Variants in ADAMTS12 observed in about 807,000 individuals in gnomAD.
ADAMTS12 encodes A disintegrin and metalloproteinase with thrombospondin motifs 12.
ADAMTS12 carries 118 observed loss-of-function variants against 167.8 expected under a neutral mutation model. The ratio of observed to expected loss-of-function variants is 0.70; its 90% confidence interval spans 0.61 to 0.82. The LOEUF is 0.82. Among genes scored for constraint, ADAMTS12 ranks in the 40% least tolerant of loss-of-function variants. The pLI is 0.00. For missense variants in ADAMTS12, 1,916 were observed against 1,998.8 expected (o/e 0.96, Z 0.79); for synonymous variants, 704 against 716.9 (o/e 0.98, Z 0.29).
intron 9 of ADAMTS12, 21 bp from the exon 10 acceptor site, chr5:33,643,491 C>A: frequency 6.2e-7 from 1 of 1,610,990 alleles, no homozygotes; most frequent in Non-Finnish European, 8.5e-7. Flanking sequence ...AATTGCACTT[C>A]TTTTGTATTT....
chr5:33,576,277 G>C lies in ADAMTS12; in HGVS notation c.3749C>G (p.Pro1250Arg). ...TTCTGGCTGGTGGTCTCCTCCCAGA[G>C]GGAGCAGAGTGTTGGCTGGCTTTTC... ...VTEKPANTLL[P>R]LGGDHQPEPS... The change falls in exon 19 of 24, where the codon CCT becomes CGT. Residue 1250 changes from proline to arginine, a missense_variant. Coordinates refer to ENST00000504830, the MANE Select transcript of ADAMTS12 (RefSeq NM_030955.4). The C allele has an allele frequency of 6.2e-7, 1 of 1,614,188 alleles. No individual in the cohort carries two copies. Among genetic ancestry groups the C allele is most frequent in the Non-Finnish European group, 8.5e-7 (1 of 1,180,020 alleles).
intron 10 of ADAMTS12, among the ~76,000 whole-genome samples, chr5:33,642,633 G>A (rs985604805): frequency 6.6e-6 from 1 of 152,158 alleles, no homozygotes; most frequent in Non-Finnish European, 1.5e-5. Flanking sequence ...CGGTTTAGGA[G>A]AGTAAATATA....
At position 33,525,648 on chromosome 5, in the gene ADAMTS12, A is replaced by G. The variant is rs1167301247; in HGVS notation, c.*1540T>C. The G allele has an allele frequency of 6.6e-6, 1 of 152,118 alleles. No individual in the cohort carries two copies. Among genetic ancestry groups the G allele is most frequent in the African/African-American group, 2.4e-5 (1 of 41,420 alleles). 9.4% of individuals were successfully genotyped at this position (152,118 alleles called of 1,614,324 possible). A position where few individuals can be genotyped will look rare whatever the true frequency, so the allele number is the denominator to read the frequency against. On this transcript the variant is annotated 3_prime_UTR_variant, in exon 24 of 24. Coordinates refer to ENST00000504830, the MANE Select transcript of ADAMTS12 (RefSeq NM_030955.4). ...TTTTTTTAATAGCACCATTCTGCTG[A>G]ACGGATAGGTAAAGGGAGACGTGGG... is the stretch of plus-strand genomic sequence containing the variant.
At chr5:33,585,550 C>T (rs1363781238) in intron 18 of ADAMTS12, among the ~76,000 whole-genome samples, 1 of 152,190 alleles carries the variant, frequency 6.6e-6, no homozygotes, top group African/African-American at 2.4e-5. Context: ...AGGGGCTGTG[C>T]CCTTCACTAC....
intron 2 of ADAMTS12, among the ~76,000 whole-genome samples, chr5:33,808,048 G>A (rs1258042964): frequency 6.6e-6 from 1 of 152,176 alleles, no homozygotes. Context: ...CAGAAAGGTG[G>A]TAAGTGATTC....
Position 33,577,049 on chromosome 5 carries a change from G to A in ADAMTS12, c.2977C>T (p.Leu993Phe), listed in dbSNP as rs750751854. The change falls in exon 19 of 24, where the codon CTC becomes TTC. Residue 993 changes from leucine to phenylalanine, a missense_variant. By Grantham distance (22) the Leu-to-Phe change is conservative. Transcript: ENST00000504830. ...RKPNSRALCGLQQCPSSRRVL... is the reference protein window; with the variant it reads ...RKPNSRALCGFQQCPSSRRVL... ...CTCCGGCTAGAAGGGCATTGCTGGA[G>A]GCCACACAGAGCTCGGCTGTTGGGT... is the stretch of plus-strand genomic sequence containing the variant. 2 of 1,614,198 alleles carry A rather than the reference G, an allele frequency of 1.2e-6. No homozygotes were observed. Among genetic ancestry groups the A allele is most frequent in the Non-Finnish European group, 8.5e-7 (1 of 1,180,032 alleles).
chr5:33,691,554 A>G (rs1561217110), intron 3 of ADAMTS12, among the ~76,000 whole-genome samples: 1 of 152,176 alleles, frequency 6.6e-6, no homozygotes, highest in Admixed American at 6.5e-5. Flanking sequence ...GAACAGAAAT[A>G]CTGTTAGTTA....
At chr5:33,722,409 G>A (rs576924419) in intron 3 of ADAMTS12, among the ~76,000 whole-genome samples, 33 of 151,960 alleles carry the variant, frequency 2.2e-4, no homozygotes, top group Admixed American at 5.2e-4. Context: ...TGATTTTAAC[G>A]CTCAGAATCA....
rs1293282663 is a variant in ADAMTS12 at position 33,565,157 on chromosome 5, T to C, written c.3973-3978A>G. ...GACCCTCTCTGACAGTTATTTATTA[T>C]TATTATATATTATTTTAAGACAGGG... On this transcript the variant is annotated intron_variant, in intron 19 of 23. Coordinates refer to ENST00000504830, the MANE Select transcript of ADAMTS12 (RefSeq NM_030955.4). 4.6e-5 allele frequency among the ~76,000 whole-genome samples: 7 copies of C among 152,186 alleles called. No homozygotes were observed. The East Asian group carries it at 1.4e-3, about 29-fold the overall frequency.
chr5:33,627,313 G>A (rs1438057162), intron 13 of ADAMTS12, among the ~76,000 whole-genome samples: 1 of 150,420 alleles, frequency 6.6e-6, no homozygotes, highest in Non-Finnish European at 1.5e-5. Flanking sequence ...TGATGATGGT[G>A]GTGGGGATGG....
chr5:33,714,424 T>C (rs1743523916), intron 3 of ADAMTS12, among the ~76,000 whole-genome samples: 1 of 152,090 alleles, frequency 6.6e-6, no homozygotes, highest in South Asian at 2.1e-4. Context: ...AGAACTACCG[T>C]ATGATCCAGC....
Position 33,576,326 on chromosome 5 carries a change from G to A in ADAMTS12, c.3700C>T (p.Pro1234Ser). Reference protein sequence around the residue: ...QRPTTSETGTPRVEGMVTEKP... With the variant: ...QRPTTSETGTSRVEGMVTEKP... The stretch of plus-strand genomic sequence containing the variant: ...TCAGTAACCATCCCCTCAACTCTGG[G>A]TGTCCCAGTTTCGGAAGTAGTGGGC... The change falls in exon 19 of 24, where the codon CCC becomes TCC. Residue 1234 changes from proline (P) to serine (S), a missense_variant. Coordinates refer to ENST00000504830, the MANE Select transcript of ADAMTS12 (RefSeq NM_030955.4). The A allele has an allele frequency of 1.2e-6, 2 of 1,614,154 alleles. No homozygotes were observed. Among genetic ancestry groups the A allele is most frequent in the South Asian group, 1.1e-5 (1 of 91,070 alleles).
rs1044464859 is a variant in ADAMTS12 at position 33,572,103 on chromosome 5, T to C, written c.3972+3951A>G. Among the ~76,000 whole-genome samples, 408 of 152,252 alleles carry C rather than the reference T, an allele frequency of 2.7e-3. 4 individuals are homozygous for C. The highest frequency in any genetic ancestry group is 8.7e-3 in the African/African-American group (361 of 41,530). On this transcript the variant is annotated intron_variant, in intron 19 of 23. Coordinates refer to ENST00000504830, the MANE Select transcript of ADAMTS12 (RefSeq NM_030955.4). ...ACAGGAGCTGAAATTGGGGCAATAA[T>C]CAATAGCTTACCAACCAAAAAGAGT...
chr5:33,607,605 T>A (rs4432892), intron 16 of ADAMTS12, among the ~76,000 whole-genome samples: 1 of 152,030 alleles, frequency 6.6e-6, no homozygotes, highest in South Asian at 2.1e-4. Flanking sequence ...TTGGGCTGTA[T>A]GGCCGTTTTA....
At position 33,595,155 on chromosome 5, in the gene ADAMTS12, T is replaced by C. The variant is rs539554588; in HGVS notation, c.2654+779A>G. Among the ~76,000 whole-genome samples the C allele has an allele frequency of 2.6e-4, 39 of 152,240 alleles. No homozygotes were observed. The South Asian group carries it at 8.1e-3, about 32-fold the overall frequency. On this transcript the variant is annotated intron_variant, in intron 17 of 23. Transcript: ENST00000504830. ...TTCTTCCTCCTTTATCTTTTTCCTT[T>C]CTTTTTTTTCTCTCTCTTTTTTTTA...
intron 3 of ADAMTS12, among the ~76,000 whole-genome samples, chr5:33,694,343 A>G (rs1254962721): frequency 6.6e-6 from 1 of 152,210 alleles, no homozygotes; most frequent in Admixed American, 6.5e-5. Flanking sequence ...CTCTAGTAAG[A>G]GCAATCACAT....
intron 2 of ADAMTS12, among the ~76,000 whole-genome samples, chr5:33,859,654 C>G (rs1276967782): frequency 6.6e-6 from 1 of 152,216 alleles, no homozygotes; most frequent in Non-Finnish European, 1.5e-5. Flanking sequence ...AGTGCTCAAG[C>G]TCTGCTAAGG....
intron 2 of ADAMTS12, among the ~76,000 whole-genome samples, chr5:33,880,385 C>T (rs1222707689): frequency 1.3e-5 from 2 of 152,190 alleles, no homozygotes; most frequent in Admixed American, 1.3e-4. Flanking sequence ...TTCTGAAAGA[C>T]CAGACAGCAA....
intron 6 of ADAMTS12, among the ~76,000 whole-genome samples, chr5:33,661,233 G>T (rs1741247298): frequency 6.6e-6 from 1 of 152,144 alleles, no homozygotes; most frequent in Non-Finnish European, 1.5e-5. Flanking sequence ...TATAGTAGGT[G>T]CTCAATAAAT....
Sources: allele counts gnomAD v4.1 joint callset (sites outside exome capture counted in the v4.1 genomes callset), GRCh38; gene constraint gnomAD v4.1.1; transcripts MANE v1.5; gene names NCBI Gene and HGNC (gene_info 2026-07-23, HGNC 2026-07-21).